Variants in USP45 observed in about 807,000 individuals in gnomAD.
The protein encoded by USP45 is ubiquitin carboxyl-terminal hydrolase 45.
In USP45, 89 loss-of-function variants were observed where a neutral mutation model predicts 95.8. The observed-to-expected ratio is 0.93, with a 90% CI of 0.78 to 1.11. The LOEUF (loss-of-function observed/expected upper bound fraction) is 1.11, where lower values mean the gene tolerates loss of function less well. USP45 is among the 50% of genes least tolerant of loss of function. The pLI, the probability that USP45 is intolerant of heterozygous loss-of-function variation, is 0.00. For synonymous variants in USP45, 281 were observed against 316.2 expected (o/e 0.89, Z 1.18); for missense variants, 898 against 942.5 (o/e 0.95, Z 0.62).
chr6:99,467,785 A>G (rs28385588), intron 10 of USP45, among the ~76,000 whole-genome samples: 13,020 of 152,070 alleles, frequency 0.086, 607 homozygotes, highest in East Asian at 0.14. Flanking sequence ...CTTAATTACA[A>G]TAAAGTGCAC....
rs535838540 is a variant in USP45, at chr6:99,506,336, G to A, written c.377+1092C>T. ...CTAGAAAATAAAAAAACTTGTTTTT[G>A]GTTTTTTTGAAACGGAGTGTCACTC... On this transcript the variant is annotated intron_variant, in intron 4 of 17. Coordinates refer to ENST00000500704, the MANE Select transcript of USP45 (RefSeq NM_001346022.3). Among the ~76,000 whole-genome samples the A allele has an allele frequency of 9.2e-5, 14 of 152,212 alleles. 1 individual carries two copies. In the South Asian group the frequency reaches 2.9e-3, roughly 32 times the overall value.
At chr6:99,445,757 A>G in intron 14 of USP45, 40 bp downstream of exon 14, 1 of 1,402,268 alleles carries the variant, frequency 7.1e-7, no homozygotes, top group South Asian at 1.5e-5. Flanking sequence ...ACTAGACACT[A>G]TCAGGAGATC....
intron 13 of USP45, among the ~76,000 whole-genome samples, chr6:99,453,482 G>A (rs1784362678): frequency 6.6e-6 from 1 of 151,982 alleles, no homozygotes; most frequent in Admixed American, 6.6e-5. Context: ...ACCTCCACAA[G>A]GAAAACTATA....
chr6:99,487,109 G>GC (rs1218607041), intron 7 of USP45, among the ~76,000 whole-genome samples: 2 of 152,176 alleles, frequency 1.3e-5, no homozygotes, highest in Non-Finnish European at 2.9e-5. Flanking sequence ...TAGAGTGAAT[G>GC]CCCTCAGAAA....
At chr6:99,466,868 T>G in intron 10 of USP45, 105 bp from the exon 11 acceptor site, 1 of 737,692 alleles carries the variant, frequency 1.4e-6, no homozygotes, top group South Asian at 1.7e-5. Flanking sequence ...TAAGATATTC[T>G]GTACTACATT....
Position 99,507,476 on chromosome 6 carries a change from C to A in USP45, c.329G>T (p.Arg110Ile), listed in dbSNP as rs1562453373. Residue 110 changes from arginine to isoleucine, a missense_variant, in exon 4 of 18, where the codon AGA becomes ATA. Physicochemically the swap from Arg to Ile is moderately conservative, Grantham distance 97. Transcript: ENST00000500704. ...QHSLKHFKSS[R>I]TEPHCIIINL... ...AATTATAATACAATGGGGCTCTGTTCTGGAACTCTTAAAGTGCTTCAATGA... is the reference window on the plus strand; with the variant it reads ...AATTATAATACAATGGGGCTCTGTTATGGAACTCTTAAAGTGCTTCAATGA... The A allele has an allele frequency of 1.2e-6, 2 of 1,613,242 alleles. No homozygotes were observed. Among genetic ancestry groups the A allele is most frequent in the Non-Finnish European group, 1.7e-6 (2 of 1,179,664 alleles).
chr6:99,490,783 T>C (rs1426431978), intron 5 of USP45, among the ~76,000 whole-genome samples: 2 of 151,932 alleles, frequency 1.3e-5, no homozygotes, highest in South Asian at 2.1e-4. Flanking sequence ...GTAAACAACA[T>C]TAAAGGAGAT....
chr6:99,501,918 G>C, intron 5 of USP45: 3 of 1,291,640 alleles, frequency 2.3e-6, no homozygotes, highest in Non-Finnish European at 3.0e-6. Context: ...GGGTCCCTCA[G>C]GCCACATTTG....
intron 5 of USP45, among the ~76,000 whole-genome samples, chr6:99,496,448 C>T (rs557839869): frequency 6.6e-6 from 1 of 151,758 alleles, no homozygotes; most frequent in Admixed American, 6.6e-5. Context: ...ATAAAACCCA[C>T]ATAATTCATG....
At chr6:99,487,104 T>C (rs1478610262) in intron 7 of USP45, among the ~76,000 whole-genome samples, 1 of 152,134 alleles carries the variant, frequency 6.6e-6, no homozygotes, top group Non-Finnish European at 1.5e-5. Flanking sequence ...TACTCTAGAG[T>C]GAATGCCCTC....
chr6:99,482,065 A>G (rs191991924), intron 8 of USP45, among the ~76,000 whole-genome samples: 4 of 152,328 alleles, frequency 2.6e-5, no homozygotes, highest in Admixed American at 2.6e-4. Context: ...TAGATATACA[A>G]AAACACAAGC....
intron 14 of USP45, 91 bp downstream of exon 14, chr6:99,445,706 G>C (rs956498832): frequency 1.0e-6 from 1 of 991,710 alleles, no homozygotes; most frequent in African/African-American, 1.6e-5. Context: ...CAAGTATAGG[G>C]ACAAGATTCT....
chr6:99,490,938 T>C (rs1398020970), intron 5 of USP45, among the ~76,000 whole-genome samples: 1 of 152,262 alleles, frequency 6.6e-6, no homozygotes, highest in African/African-American at 2.4e-5. Context: ...TAACAACTTT[T>C]ATCCTGTGCT....
At chr6:99,491,169 T>C (rs12717185) in intron 5 of USP45, among the ~76,000 whole-genome samples, 1 of 151,996 alleles carries the variant, frequency 6.6e-6, no homozygotes, top group African/African-American at 2.4e-5. Context: ...ACACTAGAGC[T>C]TGGGGGCAAA....
intron 16 of USP45, among the ~76,000 whole-genome samples, chr6:99,439,076 G>C (rs1781037999): frequency 6.6e-6 from 1 of 152,150 alleles, no homozygotes; most frequent in Admixed American, 6.5e-5. Flanking sequence ...TTGCATTTAA[G>C]ATGATTTTGT....
At chr6:99,494,284 T>C (rs1795825513) in intron 5 of USP45, among the ~76,000 whole-genome samples, 1 of 152,222 alleles carries the variant, frequency 6.6e-6, no homozygotes, top group Non-Finnish European at 1.5e-5. Flanking sequence ...AATATAGACC[T>C]GGAATGCAAA....
intron 5 of USP45, among the ~76,000 whole-genome samples, chr6:99,492,928 T>A (rs1481642423): frequency 6.6e-6 from 1 of 152,252 alleles, no homozygotes; most frequent in Non-Finnish European, 1.5e-5. Context: ...TCAGGCACTA[T>A]ATGAACCACT....
chr6:99,439,962 A>T (rs1781223917), intron 15 of USP45, 107 bp from the exon 16 acceptor site: 6 of 735,410 alleles, frequency 8.2e-6, no homozygotes, highest in South Asian at 7.3e-5. Flanking sequence ...TTTCATAGAT[A>T]AAAAATGTGA....
At chr6:99,468,450 T>G in intron 10 of USP45, 87 bp downstream of exon 10, 1 of 901,426 alleles carries the variant, frequency 1.1e-6, no homozygotes, top group South Asian at 1.6e-5. Context: ...GGTGGATTAG[T>G]TCACATAATG....
Sources: allele counts gnomAD v4.1 joint callset (sites outside exome capture counted in the v4.1 genomes callset), GRCh38; gene constraint gnomAD v4.1.1; transcripts MANE v1.5; gene names NCBI Gene and HGNC (gene_info 2026-07-23, HGNC 2026-07-21).